Variants in SLC9A9 observed in about 807,000 individuals in gnomAD.
SLC9A9 encodes sodium/hydrogen exchanger 9.
In SLC9A9, 62 loss-of-function variants were observed where a neutral mutation model predicts 77.8. The observed-to-expected ratio is 0.80, with a 90% CI of 0.65 to 0.98. The LOEUF is 0.98. Among genes scored for constraint, SLC9A9 ranks in the 50% least tolerant of loss-of-function variants. The pLI, the probability that SLC9A9 is intolerant of heterozygous loss-of-function variation, is 0.00. For synonymous variants in SLC9A9, 320 were observed against 283.5 expected (o/e 1.13, Z -1.29); for missense variants, 775 against 774.9 (o/e 1.00, Z 0.00).
At chr3:143,578,424 AG>A (rs2037398756) in intron 7 of SLC9A9, among the ~76,000 whole-genome samples, 160 bp downstream of exon 7, 1 of 152,210 alleles carries the variant, frequency 6.6e-6, no homozygotes, top group African/African-American at 2.4e-5. Flanking sequence ...CTATGCCTCC[AG>A]GGGTGACTGA....
At chr3:143,477,944 G>A (rs1393213771) in intron 11 of SLC9A9, among the ~76,000 whole-genome samples, 8 of 152,188 alleles carry the variant, frequency 5.3e-5, no homozygotes, top group Admixed American at 4.6e-4. Context: ...TGTGTTCAGC[G>A]GGTGTTCAGC....
chr3:143,469,554 G>A (rs1038307810), intron 11 of SLC9A9, among the ~76,000 whole-genome samples: 2 of 152,174 alleles, frequency 1.3e-5, no homozygotes, highest in African/African-American at 2.4e-5. Context: ...AGTAGACACA[G>A]GGCAGAATGA....
At position 143,376,482 on chromosome 3, in the gene SLC9A9, T is replaced by C. The variant is rs80150017; in HGVS notation, c.1524+5578A>G. 1.1e-4 allele frequency among the ~76,000 whole-genome samples: 16 copies of C among 152,346 alleles called. No individual in the cohort carries two copies. The East Asian group carries it at 3.1e-3, about 29-fold the overall frequency. On this transcript the variant is annotated intron_variant, in intron 13 of 15. Transcript: ENST00000316549. ...ATGGGAGTGATATAGGTATCTTGAT[T>C]GGTCAAGGTAAAGATTAAATGTGAT... is the stretch of plus-strand genomic sequence containing the variant.
At chr3:143,697,934 A>G (rs967634720) in intron 4 of SLC9A9, 3 of 152,222 alleles carry the variant, frequency 2.0e-5, no homozygotes, top group African/African-American at 7.2e-5. Context: ...AACAATTACT[A>G]TGCACCTACA....
rs1190001841 is a variant in SLC9A9 at position 143,751,390 on chromosome 3, T to C, written c.533+43611A>G. 5.9e-5 allele frequency among the ~76,000 whole-genome samples: 9 copies of C among 152,226 alleles called. No individual in the cohort carries two copies. In the East Asian group the frequency reaches 1.7e-3, roughly 29 times the overall value. ...CTGCGGCAAAGAGGGCCCTTAGCTC[T>C]GAGCTCCCTATGGGGATTTCCTTGG... On this transcript the variant is annotated intron_variant, in intron 4 of 15. Transcript: ENST00000316549.
intron 1 of SLC9A9, 137 bp from the exon 2 acceptor site, chr3:143,832,358 C>T: frequency 1.4e-6 from 1 of 718,108 alleles, no homozygotes; most frequent in Non-Finnish European, 2.3e-6. Flanking sequence ...AAAGTGTTCA[C>T]TTTTGCATGG....
intron 5 of SLC9A9, among the ~76,000 whole-genome samples, chr3:143,655,121 G>A (rs964674489): frequency 6.6e-6 from 1 of 152,216 alleles, no homozygotes; most frequent in Non-Finnish European, 1.5e-5. Flanking sequence ...GAGTCAAATA[G>A]GTGAGTCAGG....
intron 4 of SLC9A9, among the ~76,000 whole-genome samples, chr3:143,724,547 A>G (rs1419658145): frequency 6.6e-6 from 1 of 152,210 alleles, no homozygotes; most frequent in Admixed American, 6.5e-5. Context: ...GTGACCGGCC[A>G]ACATGGGAAA....
In SLC9A9 at chr3:143,690,737, C is replaced by A. The variant is rs141872165; in HGVS notation, c.649+2455G>T. ...GAGGTCATCTCATTGGTCACATGTG[C>A]AGGATGCTACACAACACATTATTTT... On this transcript the variant is annotated intron_variant, in intron 5 of 15. Transcript: ENST00000316549. Among the ~76,000 whole-genome samples the A allele has an allele frequency of 3.9e-3, 601 of 152,184 alleles. 5 individuals carry two copies. Among genetic ancestry groups the A allele is most frequent in the African/African-American group, 0.014 (572 of 41,542 alleles).
At chr3:143,331,337 G>A (rs923782360) in intron 14 of SLC9A9, among the ~76,000 whole-genome samples, 2 of 152,172 alleles carry the variant, frequency 1.3e-5, no homozygotes, top group African/African-American at 4.8e-5. Context: ...CTAGATGCAT[G>A]CTACTCTGCA....
At chr3:143,576,805 G>A (rs2037367321) in intron 7 of SLC9A9, among the ~76,000 whole-genome samples, 1 of 152,182 alleles carries the variant, frequency 6.6e-6, no homozygotes, top group Non-Finnish European at 1.5e-5. Context: ...TAGGCAGCCT[G>A]TCATAGCATA....
At chr3:143,761,837 C>T (rs1470965698) in intron 4 of SLC9A9, among the ~76,000 whole-genome samples, 3 of 152,196 alleles carry the variant, frequency 2.0e-5, no homozygotes, top group African/African-American at 7.2e-5. Flanking sequence ...CATCCCATTG[C>T]TGGGTATACA....
chr3:143,280,495 G>T (rs1341594903), intron 14 of SLC9A9, among the ~76,000 whole-genome samples: 1 of 150,710 alleles, frequency 6.6e-6, no homozygotes, highest in Non-Finnish European at 1.5e-5. Flanking sequence ...CTCAGATGTA[G>T]TCCCTTTGAA....
At chr3:143,492,596 AC>A (rs907403091) in intron 11 of SLC9A9, among the ~76,000 whole-genome samples, 42 of 152,276 alleles carry the variant, frequency 2.8e-4, no homozygotes, top group Middle Eastern at 6.8e-3. Context: ...AATCTCACAG[AC>A]CTGGGTTCAA....
intron 14 of SLC9A9, among the ~76,000 whole-genome samples, chr3:143,326,225 C>G (rs971886396): frequency 2.0e-5 from 3 of 152,212 alleles, no homozygotes; most frequent in Admixed American, 2.0e-4. Flanking sequence ...CCTAATACAA[C>G]AGCCTGCTAA....
chr3:143,540,450 G>T (rs1285356742), intron 9 of SLC9A9, among the ~76,000 whole-genome samples: 1 of 152,110 alleles, frequency 6.6e-6, no homozygotes, highest in Non-Finnish European at 1.5e-5. Flanking sequence ...GGAGGAGAGT[G>T]GTGATCTGCA....
At chr3:143,408,409 C>A (rs1043064790) in intron 12 of SLC9A9, among the ~76,000 whole-genome samples, 2 of 152,162 alleles carry the variant, frequency 1.3e-5, no homozygotes, top group Non-Finnish European at 2.9e-5. Context: ...CAACTCACAG[C>A]TAGCAATGTT....
intron 4 of SLC9A9, among the ~76,000 whole-genome samples, chr3:143,694,316 C>T (rs1242251345): frequency 6.6e-6 from 1 of 152,036 alleles, no homozygotes; most frequent in Non-Finnish European, 1.5e-5. Flanking sequence ...CATTTAAATC[C>T]AGGCTCTACT....
At chr3:143,659,047 C>T (rs569476253) in intron 5 of SLC9A9, among the ~76,000 whole-genome samples, 53 of 152,176 alleles carry the variant, frequency 3.5e-4, no homozygotes, top group Admixed American at 2.2e-3. Context: ...GCCATGGTGC[C>T]GTTTAATGGG....
Sources: gnomAD v4.1 joint callset for allele counts (sites outside exome capture counted in the v4.1 genomes callset) on GRCh38, gnomAD v4.1.1 for gene constraint, MANE v1.5 for transcripts, NCBI Gene and HGNC (gene_info 2026-07-23, HGNC 2026-07-21) for gene names.